MBNL3: variants seen among roughly 807,000 people sequenced by gnomAD.
MBNL3 encodes the protein muscleblind like splicing regulator 3.
MBNL3 carries 6 observed loss-of-function variants against 24.5 expected under a neutral mutation model. The observed-to-expected ratio is 0.25, with a 90% confidence interval of 0.13 to 0.48. MBNL3 has a LOEUF of 0.48. Among genes scored for constraint, MBNL3 ranks in the 20% least tolerant of loss-of-function variants. MBNL3 has a pLI of 0.99. For missense variants in MBNL3, 230 were observed against 293.5 expected (o/e 0.78, Z 1.58); for synonymous variants, 100 against 101.7 (o/e 0.98, Z 0.10).
At chrX:132,459,471 C>A (rs931023845) in intron 1 of MBNL3, among the ~76,000 whole-genome samples, 2 of 111,271 alleles carry the variant, frequency 1.8e-5, no homozygotes, top group Admixed American at 9.6e-5. Context: ...ACTTATTCTG[C>A]GAGAGCCAGC....
chrX:132,457,188 A>G (rs1946414377), intron 1 of MBNL3, among the ~76,000 whole-genome samples: 1 of 111,641 alleles, frequency 9.0e-6, no homozygotes, highest in Admixed American at 9.5e-5. Context: ...CAAGTCATAA[A>G]AAGAAGGCAA....
intron 2 of MBNL3, among the ~76,000 whole-genome samples, chrX:132,418,300 G>A (rs868854050): frequency 8.9e-6 from 1 of 111,946 alleles, no homozygotes; most frequent in South Asian, 3.7e-4. Context: ...TAATATTAAT[G>A]GCTAACTTTG....
intron 8 of MBNL3, 27 bp downstream of exon 8, chrX:132,382,151 C>A (rs933933022): frequency 9.3e-6 from 11 of 1,184,882 alleles, no homozygotes; most frequent in Non-Finnish European, 1.3e-5. Flanking sequence ...TTATCTTGAT[C>A]TGAACAGCTT....
chrX:132,451,203 G>A (rs1377281259), intron 1 of MBNL3, among the ~76,000 whole-genome samples: 2 of 112,700 alleles, frequency 1.8e-5, no homozygotes, highest in African/African-American at 6.5e-5. Flanking sequence ...CACTGTGCTG[G>A]GAGATCTGCC....
In MBNL3 at chrX:132,391,091, C is replaced by T. The variant is rs72614187; in HGVS notation, c.535-8G>A. The T allele has an allele frequency of 4.0e-3, 4,656 of 1,160,882 alleles. 117 individuals are homozygous for T. The East Asian group carries it at 0.089, about 22-fold the overall frequency. ...CTGAAATTCTCGGCAAACCTTAGAA[C>T]ACACACATGCACATACACACGCATC... On this transcript the variant is annotated splice_polypyrimidine_tract_variant and splice_region_variant and intron_variant, in intron 4 of 8. Coordinates refer to ENST00000370853, the MANE Select transcript of MBNL3 (RefSeq NM_001386889.1).
At chrX:132,422,506 A>G (rs1395959605) in intron 2 of MBNL3, among the ~76,000 whole-genome samples, 2 of 111,952 alleles carry the variant, frequency 1.8e-5, no homozygotes, top group Non-Finnish European at 3.8e-5. Flanking sequence ...TCTTTCATGC[A>G]ATACCTCTCA....
chrX:132,458,977 C>T, intron 1 of MBNL3, among the ~76,000 whole-genome samples: 1 of 106,266 alleles, frequency 9.4e-6, no homozygotes, highest in African/African-American at 3.4e-5. Context: ...CTTAATCACT[C>T]CAGCATGTAC....
intron 2 of MBNL3, among the ~76,000 whole-genome samples, chrX:132,422,942 C>A (rs1261014898): frequency 8.9e-6 from 1 of 111,797 alleles, no homozygotes; most frequent in Non-Finnish European, 1.9e-5. Flanking sequence ...TAGTCTGCCA[C>A]ATTTTTGAGA....
At chrX:132,418,487 TACTC>T (rs1458520471) in intron 2 of MBNL3, among the ~76,000 whole-genome samples, 3 of 111,954 alleles carry the variant, frequency 2.7e-5, no homozygotes, top group Non-Finnish European at 5.6e-5. Flanking sequence ...CCAGAGCTCA[TACTC>T]AATCAAGATA....
intron 2 of MBNL3, among the ~76,000 whole-genome samples, chrX:132,422,317 C>A (rs777183595): frequency 9.0e-6 from 1 of 111,638 alleles, no homozygotes; most frequent in Non-Finnish European, 1.9e-5. Flanking sequence ...AACTTCATTT[C>A]TTTTGGGTTC....
intron 1 of MBNL3, among the ~76,000 whole-genome samples, chrX:132,473,481 A>C (rs912818431): frequency 1.8e-5 from 2 of 112,119 alleles, no homozygotes; most frequent in African/African-American, 6.5e-5. Flanking sequence ...CTTGGCATGA[A>C]GATGCCGTTA....
intron 4 of MBNL3, among the ~76,000 whole-genome samples, chrX:132,391,351 A>G (rs1229487265): frequency 8.9e-6 from 1 of 112,138 alleles, no homozygotes; most frequent in African/African-American, 3.2e-5. Context: ...AAAAAGTATT[A>G]CTGAAAACCA....
At chrX:132,482,937 G>A (rs746402749) in intron 1 of MBNL3, among the ~76,000 whole-genome samples, 14 of 111,825 alleles carry the variant, frequency 1.3e-4, no homozygotes, top group Non-Finnish European at 2.1e-4. Context: ...TGGTACCCCA[G>A]TCCCTCCCTA....
intron 1 of MBNL3, among the ~76,000 whole-genome samples, chrX:132,464,202 C>T (rs761624669): frequency 1.8e-5 from 2 of 112,173 alleles, no homozygotes; most frequent in South Asian, 3.7e-4. Context: ...ATATCGTAAA[C>T]GGAATTAAAA....
chrX:132,386,836 T>A, intron 5 of MBNL3, 25 bp from the exon 6 acceptor site: 1 of 1,201,774 alleles, frequency 8.3e-7, no homozygotes, highest in Non-Finnish European at 1.1e-6. Flanking sequence ...ATGGTACTAG[T>A]ACTAGAGAAA....
At chrX:132,449,994 G>A (rs866418669) in intron 1 of MBNL3, among the ~76,000 whole-genome samples, 1 of 17,336 alleles carries the variant, frequency 5.8e-5, no homozygotes, top group Non-Finnish European at 1.0e-4. Context: ...CCCCCCCCCC[G>A]CCACTTCTGG....
intron 1 of MBNL3, among the ~76,000 whole-genome samples, chrX:132,473,795 T>A (rs1367024409): frequency 8.9e-6 from 1 of 111,861 alleles, no homozygotes; most frequent in Non-Finnish European, 1.9e-5. Flanking sequence ...AAACACAGTT[T>A]TGAAAACGCT....
intron 6 of MBNL3, among the ~76,000 whole-genome samples, chrX:132,385,340 C>T (rs1935806855): frequency 9.0e-6 from 1 of 111,570 alleles, no homozygotes; most frequent in African/African-American, 3.3e-5. Flanking sequence ...GAACAGCATA[C>T]ATTTTATTAT....
intron 2 of MBNL3, among the ~76,000 whole-genome samples, chrX:132,434,769 G>A (rs1945021855): frequency 2.7e-5 from 3 of 111,863 alleles, no homozygotes; most frequent in Non-Finnish European, 3.8e-5. Flanking sequence ...AGTGTCACAG[G>A]TTGGAGGAGA....
Sources: gnomAD v4.1 joint callset for allele counts (sites outside exome capture counted in the v4.1 genomes callset) on GRCh38, gnomAD v4.1.1 for gene constraint, MANE v1.5 for transcripts, NCBI Gene and HGNC (gene_info 2026-07-23, HGNC 2026-07-21) for gene names.